Variants in PARVB observed in about 807,000 individuals in gnomAD.
The protein encoded by PARVB is parvin beta.
In PARVB, 46 loss-of-function variants were observed where a neutral mutation model predicts 47.0. The observed-to-expected ratio is 0.98, with a 90% CI of 0.77 to 1.25. The LOEUF is 1.25. PARVB is among the 50% of genes most tolerant of loss of function. PARVB has a pLI of 0.00. For missense variants in PARVB, 473 were observed against 471.6 expected (o/e 1.00, Z -0.03); for synonymous variants, 196 against 196.3 (o/e 1.00, Z 0.01).
intron 3 of PARVB, among the ~76,000 whole-genome samples, chr22:44,100,325 C>A (rs926422489): frequency 7.9e-5 from 12 of 152,224 alleles, no homozygotes; most frequent in African/African-American, 2.4e-4. Flanking sequence ...TCCCATGTGC[C>A]CTGCTCGGCT....
intron 1 of PARVB, among the ~76,000 whole-genome samples, chr22:44,027,636 G>A (rs962404775): frequency 6.6e-6 from 1 of 152,166 alleles, no homozygotes; most frequent in Non-Finnish European, 1.5e-5. Flanking sequence ...GGTGGCTCAC[G>A]CCTGTAATCC....
At chr22:44,015,589 C>CG (rs557956255) in intron 2 of PARVB, among the ~76,000 whole-genome samples, 87 of 152,284 alleles carry the variant, frequency 5.7e-4, no homozygotes, top group African/African-American at 2.0e-3. Context: ...GAGGCTGGGG[C>CG]GGGCAGATCA....
In PARVB at chr22:44,133,049, CAG is replaced by C. The variant is rs774335387; in HGVS notation, c.633+45_633+46del. ...GTGGTCGGCCTGCCTGTAACTCCGC[CAG>C]AGAGGCAACATCTTCCTCCTGCAGT... On this transcript the variant is annotated intron_variant, in intron 6 of 12. Coordinates refer to ENST00000338758, the MANE Select transcript of PARVB (RefSeq NM_013327.5). 3 of 1,400,878 alleles carry C rather than the reference CAG, an allele frequency of 2.1e-6. No individual in the cohort carries two copies. The South Asian group carries it at 3.6e-5, about 17-fold the overall frequency. 86.8% of individuals were successfully genotyped at this position (1,400,878 alleles called of 1,614,324 possible).
chr22:44,130,555 G>A (rs117178074), intron 4 of PARVB, among the ~76,000 whole-genome samples: 3,486 of 152,268 alleles, frequency 0.023, 54 homozygotes, highest in African/African-American at 0.026. Flanking sequence ...TAAAATCATC[G>A]CCAGTTCTGT....
chr22:44,067,536 A>G (rs945308943), intron 1 of PARVB, among the ~76,000 whole-genome samples: 5 of 152,146 alleles, frequency 3.3e-5, no homozygotes, highest in African/African-American at 1.2e-4. Context: ...GTGGCACTGG[A>G]CACTGGGCAG....
At chr22:44,016,290 G>GA (rs1230151229) in intron 2 of PARVB, among the ~76,000 whole-genome samples, 9 of 151,964 alleles carry the variant, frequency 5.9e-5, no homozygotes, top group Admixed American at 5.9e-4. Context: ...TAGAGACGGG[G>GA]TTTCACCGTG....
intron 1 of PARVB, among the ~76,000 whole-genome samples, chr22:44,046,924 C>T (rs960443520): frequency 1.3e-5 from 2 of 151,766 alleles, no homozygotes; most frequent in Non-Finnish European, 2.9e-5. Context: ...TTAGCGGGGG[C>T]GTGCATGCAG....
At chr22:44,019,215 C>T (rs1439152805) in intron 2 of PARVB, among the ~76,000 whole-genome samples, 1 of 150,546 alleles carries the variant, frequency 6.6e-6, no homozygotes, top group Non-Finnish European at 1.5e-5. Context: ...CCACGCCTGG[C>T]CTATTTTTAT....
chr22:44,091,669 C>T (rs1601588389), intron 1 of PARVB, among the ~76,000 whole-genome samples: 1 of 152,326 alleles, frequency 6.6e-6, no homozygotes, highest in Non-Finnish European at 1.5e-5. Context: ...CTTTTTAGGG[C>T]TAGATAATAT....
chr22:44,165,562 T>C (rs955137310), intron 12 of PARVB, among the ~76,000 whole-genome samples: 1 of 152,170 alleles, frequency 6.6e-6, no homozygotes, highest in African/African-American at 2.4e-5. Flanking sequence ...GCTTTGCCTC[T>C]CCCCAGCTGT....
intron 2 of PARVB, among the ~76,000 whole-genome samples, chr22:44,000,759 G>T (rs1293539133): frequency 6.6e-6 from 1 of 152,228 alleles, no homozygotes; most frequent in Non-Finnish European, 1.5e-5. Flanking sequence ...GTTAGTTGCA[G>T]TGTGGAATCT....
Position 44,101,943 on chromosome 22 carries a change from T to C in PARVB, c.273+1820T>C, listed in dbSNP as rs2052457528. 2.0e-5 allele frequency among the ~76,000 whole-genome samples: 3 copies of C among 152,348 alleles called. No homozygotes were observed. In the South Asian group the frequency reaches 6.2e-4, roughly 32 times the overall value. Reference sequence around the variant, plus strand: ...ACGAAAATGTTGTTCTTGGGGGATATTTAAGCAAGGGATGCATGAGAATTA... The same window carrying C: ...ACGAAAATGTTGTTCTTGGGGGATACTTAAGCAAGGGATGCATGAGAATTA... On this transcript the variant is annotated intron_variant, in intron 3 of 12. Coordinates refer to ENST00000338758, the MANE Select transcript of PARVB (RefSeq NM_013327.5).
At chr22:44,044,804 A>G (rs1406472766) in intron 1 of PARVB, among the ~76,000 whole-genome samples, 2 of 151,944 alleles carry the variant, frequency 1.3e-5, no homozygotes, top group African/African-American at 4.8e-5. Context: ...CAACTTTTAA[A>G]CTCTCTTTTT....
chr22:44,092,648 T>A (rs2052198820), intron 1 of PARVB, among the ~76,000 whole-genome samples: 1 of 152,146 alleles, frequency 6.6e-6, no homozygotes, highest in South Asian at 2.1e-4. Context: ...ACGCTCAACA[T>A]TCATGGTTAC....
intron 1 of PARVB, among the ~76,000 whole-genome samples, chr22:44,047,884 T>G (rs2051141148): frequency 6.6e-6 from 1 of 152,164 alleles, no homozygotes; most frequent in South Asian, 2.1e-4. Context: ...TGGCCTCACA[T>G]CCCTTCAGCA....
intron 1 of PARVB, among the ~76,000 whole-genome samples, chr22:44,090,942 A>C (rs542837194): frequency 6.6e-6 from 1 of 151,844 alleles, no homozygotes; most frequent in Non-Finnish European, 1.5e-5. Flanking sequence ...GCTGGTTACA[A>C]CTCTCTTTGT....
At chr22:44,031,774 G>A (rs111341317) in intron 1 of PARVB, among the ~76,000 whole-genome samples, 34 of 152,230 alleles carry the variant, frequency 2.2e-4, no homozygotes, top group African/African-American at 7.2e-4. Context: ...GGTGTTTATT[G>A]GATGTAAGTG....
At chr22:44,083,645 G>C (rs1234275595) in intron 1 of PARVB, among the ~76,000 whole-genome samples, 1 of 152,146 alleles carries the variant, frequency 6.6e-6, no homozygotes, top group Non-Finnish European at 1.5e-5. Flanking sequence ...CAGAGGGGCA[G>C]AGATATGACC....
chr22:44,086,031 A>G (rs2052016431), intron 1 of PARVB, among the ~76,000 whole-genome samples: 1 of 152,230 alleles, frequency 6.6e-6, no homozygotes, highest in African/African-American at 2.4e-5. Flanking sequence ...CCCCAGCACA[A>G]CAAGCCCCAT....
Sources: allele counts gnomAD v4.1 joint callset (sites outside exome capture counted in the v4.1 genomes callset), GRCh38; gene constraint gnomAD v4.1.1; transcripts MANE v1.5; gene names NCBI Gene and HGNC (gene_info 2026-07-23, HGNC 2026-07-21).